The following COBLL1 variants were observed in gnomAD, a reference collection of about 807,000 sequenced individuals.
The protein encoded by COBLL1 is cordon-bleu protein-like 1.
Under a neutral mutation model 94.8 loss-of-function variants are expected in COBLL1, and 50 were observed. That is an observed-to-expected ratio of 0.53 (90% CI 0.42 to 0.67). The LOEUF (loss-of-function observed/expected upper bound fraction) is 0.67, where lower values mean the gene tolerates loss of function less well. Ranked by LOEUF, COBLL1 falls within the 30% of genes least tolerant of loss-of-function variation. The probability of loss-of-function intolerance (pLI) is 0.00; values close to 1 mark genes in which losing one functional copy is unlikely to be tolerated. For missense variants in COBLL1, 1,362 were observed against 1,348.7 expected (o/e 1.01, Z -0.15); for synonymous variants, 448 against 473.8 (o/e 0.95, Z 0.71).
Position 164,730,040 on chromosome 2 carries a change from C to T in COBLL1, c.306G>A (p.Leu102=). Residue 102 remains leucine, a synonymous_variant, in exon 4 of 14, where the codon CTG becomes CTA. Coordinates refer to ENST00000652658, the MANE Select transcript of COBLL1 (RefSeq NM_001365672.2). ...TAATGTGGTTCTGTTCAGCTGACAACAGATCGATTGTGTAACTTGATGGAT... is the reference window on the plus strand; with the variant it reads ...TAATGTGGTTCTGTTCAGCTGACAATAGATCGATTGTGTAACTTGATGGAT... ...HLNPSSYTID[L]LSAEQNHIKF... 6.2e-7 allele frequency: 1 copy of T among 1,613,988 alleles called. No individual in the cohort carries two copies.
chr2:164,673,839 C>A (rs2105388990), intron 1 of COBLL1, among the ~76,000 whole-genome samples: 1 of 152,110 alleles, frequency 6.6e-6, no homozygotes, highest in East Asian at 1.9e-4. Flanking sequence ...CAACTTTGGG[C>A]AAATTAAACC....
chr2:164,703,165 C>A, intron 9 of COBLL1: 1 of 1,613,892 alleles, frequency 6.2e-7, no homozygotes, highest in Non-Finnish European at 8.5e-7. Flanking sequence ...AGGTTTCCTC[C>A]ATCAGTTTGG....
chr2:164,686,597 GTT>G (rs572839437), intron 13 of COBLL1, among the ~76,000 whole-genome samples: 1 of 144,512 alleles, frequency 6.9e-6, no homozygotes, highest in Admixed American at 7.0e-5. Context: ...CTGAAAAGGA[GTT>G]TTTTTTTTTT....
At chr2:164,763,899 C>A (rs1156425767) in intron 2 of COBLL1, among the ~76,000 whole-genome samples, 1 of 152,116 alleles carries the variant, frequency 6.6e-6, no homozygotes, top group Non-Finnish European at 1.5e-5. Flanking sequence ...AACAGCTTTT[C>A]TTTTTCTTTA....
chr2:164,789,583 A>G (rs1351087219), intron 2 of COBLL1, among the ~76,000 whole-genome samples: 1 of 152,158 alleles, frequency 6.6e-6, no homozygotes, highest in East Asian at 1.9e-4. Context: ...GGGAGCTCAG[A>G]GGGTATGTTA....
At chr2:164,799,317 A>C (rs758695312) in intron 2 of COBLL1, among the ~76,000 whole-genome samples, 14 of 152,148 alleles carry the variant, frequency 9.2e-5, no homozygotes, top group Non-Finnish European at 1.6e-4. Flanking sequence ...TTTTTTATTG[A>C]TTGAAAGCCA....
intron 2 of COBLL1, among the ~76,000 whole-genome samples, chr2:164,814,962 T>G (rs1369631996): frequency 6.6e-6 from 1 of 152,222 alleles, no homozygotes; most frequent in East Asian, 1.9e-4. Flanking sequence ...TTATCCATTA[T>G]TCAATTTGAT....
rs780587804 is a variant in COBLL1 at position 164,703,259 on chromosome 2, C to G, written c.1225+1185G>C. ...AGAATCTGTAGAAATGGCACTTAGA[C>G]AACAGAGTTAAGGCAAGCAGAGACC... On this transcript the variant is annotated intron_variant, in intron 9 of 13. Coordinates refer to ENST00000652658, the MANE Select transcript of COBLL1 (RefSeq NM_001365672.2). 44 of 1,397,120 alleles carry G rather than the reference C, an allele frequency of 3.1e-5. No homozygotes were observed. In the South Asian group the frequency reaches 5.1e-4, roughly 16 times the overall value. 86.5% of individuals were successfully genotyped at this position (1,397,120 alleles called of 1,614,324 possible). A position where few individuals can be genotyped will look rare whatever the true frequency, so the allele number is the denominator to read the frequency against.
intron 1 of COBLL1, among the ~76,000 whole-genome samples, chr2:164,673,715 A>C (rs1691287070): frequency 6.6e-6 from 1 of 152,162 alleles, no homozygotes. Flanking sequence ...CAGTGAATTC[A>C]CTTCACAGGA....
At chr2:164,705,767 T>G (rs1447770647) in intron 7 of COBLL1, among the ~76,000 whole-genome samples, 1 of 152,146 alleles carries the variant, frequency 6.6e-6, no homozygotes, top group African/African-American at 2.4e-5. Flanking sequence ...ACACCTGTAA[T>G]TCCAAAGTGT....
chr2:164,705,321 G>T lies in COBLL1; in HGVS notation c.997-216C>A, dbSNP rs1204368299. 11 of 361,290 alleles carry T rather than the reference G, an allele frequency of 3.0e-5. No individual in the cohort carries two copies. The South Asian group carries it at 1.2e-3, about 38-fold the overall frequency. 22.4% of individuals were successfully genotyped at this position (361,290 alleles called of 1,614,324 possible). A position where few individuals can be genotyped will look rare whatever the true frequency, so the allele number is the denominator to read the frequency against. On this transcript the variant is annotated intron_variant, in intron 7 of 13. Coordinates refer to ENST00000652658, the MANE Select transcript of COBLL1 (RefSeq NM_001365672.2). ...AATACGGCCTTTCTCAAGAAACTTG[G>T]GCTAGAATGGGAAACTGCCACACAA...
intron 3 of COBLL1, among the ~76,000 whole-genome samples, chr2:164,731,119 C>T (rs907552308): frequency 2.6e-5 from 4 of 152,144 alleles, no homozygotes; most frequent in African/African-American, 9.7e-5. Context: ...TATATAACGT[C>T]TCAGGCTGCT....
intron 2 of COBLL1, among the ~76,000 whole-genome samples, chr2:164,659,301 A>G (rs1022153179): frequency 6.6e-6 from 1 of 152,166 alleles, no homozygotes; most frequent in Non-Finnish European, 1.5e-5. Flanking sequence ...TCTACAAAGG[A>G]ACTTCCATCA....
intron 2 of COBLL1, among the ~76,000 whole-genome samples, chr2:164,810,083 AT>A (rs1477621606): frequency 6.6e-6 from 1 of 151,792 alleles, no homozygotes; most frequent in African/African-American, 2.4e-5. Flanking sequence ...ATACAAAAAA[AT>A]CATTCACTTC....
At chr2:164,784,978 T>G (rs1688886568) in intron 2 of COBLL1, among the ~76,000 whole-genome samples, 1 of 152,110 alleles carries the variant, frequency 6.6e-6, no homozygotes, top group Non-Finnish European at 1.5e-5. Context: ...GGCTCCATCC[T>G]AATGAATGTA....
chr2:164,749,304 G>A (rs1336264668), intron 2 of COBLL1, among the ~76,000 whole-genome samples: 1 of 151,996 alleles, frequency 6.6e-6, no homozygotes, highest in Non-Finnish European at 1.5e-5. Flanking sequence ...AAAAAATATG[G>A]CTTCAATATT....
chr2:164,799,019 C>CAAAAAAAAAA (rs555113117), intron 2 of COBLL1, among the ~76,000 whole-genome samples: 1,444 of 69,518 alleles, frequency 0.021, 130 homozygotes, highest in African/African-American at 0.075. Flanking sequence ...GACTCCGTCT[C>CAAAAAAAAAA]AAAAAAAAAA....
chr2:164,677,868 T>C (rs1691364069), downstream of COBLL1, among the ~76,000 whole-genome samples: 1 of 152,196 alleles, frequency 6.6e-6, no homozygotes, highest in Non-Finnish European at 1.5e-5. Context: ...AAAGTGTTTG[T>C]ACTAATTGAT....
chr2:164,773,706 C>T (rs1157965428), intron 2 of COBLL1: 1 of 1,248,734 alleles, frequency 8.0e-7, no homozygotes, highest in East Asian at 5.7e-5. Context: ...TATTTACTTA[C>T]AACTGTTCCA....
Sources: gnomAD v4.1 joint callset for allele counts (sites outside exome capture counted in the v4.1 genomes callset) on GRCh38, gnomAD v4.1.1 for gene constraint, MANE v1.5 for transcripts, NCBI Gene and HGNC (gene_info 2026-07-23, HGNC 2026-07-21) for gene names.